SLC31A1: variants seen among roughly 807,000 people sequenced by gnomAD.
The protein encoded by SLC31A1 is solute carrier family 31 member 1.
Under a neutral mutation model 17.2 loss-of-function variants are expected in SLC31A1, and 5 were observed. The ratio of observed to expected loss-of-function variants is 0.29; its 90% CI spans 0.15 to 0.61. The LOEUF is 0.61. Among genes scored for constraint, SLC31A1 ranks in the 20% least tolerant of loss-of-function variants. The pLI, the probability that SLC31A1 is intolerant of heterozygous loss-of-function variation, is 0.86. For synonymous variants in SLC31A1, 76 were observed against 78.8 expected (o/e 0.96, Z 0.19); for missense variants, 161 against 241.4 (o/e 0.67, Z 2.21).
At chr9:113,257,929 C>T (rs918991588) in intron 3 of SLC31A1, among the ~76,000 whole-genome samples, 3 of 152,180 alleles carry the variant, frequency 2.0e-5, no homozygotes, top group African/African-American at 4.8e-5. Flanking sequence ...TGAAATGACT[C>T]GCCATCAATC....
At chr9:113,251,908 A>G (rs957369083) in intron 1 of SLC31A1, among the ~76,000 whole-genome samples, 1 of 152,150 alleles carries the variant, frequency 6.6e-6, no homozygotes, top group Non-Finnish European at 1.5e-5. Flanking sequence ...GTATCTTCCT[A>G]TTCATACACC....
intron 1 of SLC31A1, among the ~76,000 whole-genome samples, chr9:113,224,143 T>C (rs1272521848): frequency 6.6e-6 from 1 of 152,240 alleles, no homozygotes; most frequent in Admixed American, 6.5e-5. Flanking sequence ...TTATGTATTG[T>C]CTATGACTCC....
intron 1 of SLC31A1, among the ~76,000 whole-genome samples, chr9:113,240,412 G>GT (rs1831509301): frequency 1.3e-5 from 2 of 152,152 alleles, no homozygotes; most frequent in Admixed American, 1.3e-4. Flanking sequence ...AAATTAGAAA[G>GT]TTTCTTGCGC....
rs1554721716 is a variant in SLC31A1 at position 113,260,611 on chromosome 9, A to ACC, written c.*141_*142dup. The ACC allele has an allele frequency of 7.1e-6, 5 of 700,948 alleles. No individual in the cohort carries two copies. Among genetic ancestry groups the ACC allele is most frequent in the Middle Eastern group, 3.3e-4 (1 of 3,040 alleles). The allele number at this position is 700,948 out of a possible 1,614,324, so 43.4% of individuals were successfully genotyped here. On this transcript the variant is annotated 3_prime_UTR_variant, in exon 5 of 5. Coordinates refer to ENST00000374212, the MANE Select transcript of SLC31A1 (RefSeq NM_001859.4). ...CACACACACACACACACACACACACACCCCTGCTCAACAGAGGTTTAGTTT... is the reference window on the plus strand; with the variant it reads ...CACACACACACACACACACACACACACCCCCCTGCTCAACAGAGGTTTAGTTT...
intron 1 of SLC31A1, among the ~76,000 whole-genome samples, chr9:113,249,356 GT>G (rs555534321): frequency 2.5e-4 from 35 of 141,154 alleles, no homozygotes; most frequent in East Asian, 1.2e-3. Context: ...ATCTTTCTTT[GT>G]TTTTTTTTTA....
At chr9:113,241,177 C>T (rs944233555) in intron 1 of SLC31A1, among the ~76,000 whole-genome samples, 1 of 151,934 alleles carries the variant, frequency 6.6e-6, no homozygotes, top group Non-Finnish European at 1.5e-5. Flanking sequence ...TTAAATGCCA[C>T]ATAGTGAGCT....
chr9:113,247,248 G>A (rs966296692), intron 1 of SLC31A1, among the ~76,000 whole-genome samples: 2 of 152,080 alleles, frequency 1.3e-5, no homozygotes, highest in African/African-American at 4.8e-5. Context: ...AATCTAAAAA[G>A]GAATATGACC....
intron 1 of SLC31A1, among the ~76,000 whole-genome samples, chr9:113,235,225 TG>T (rs965531032): frequency 2.8e-4 from 43 of 152,260 alleles, no homozygotes; most frequent in African/African-American, 1.0e-3. Context: ...AATACATGTA[TG>T]AAAAAGTTTC....
intron 1 of SLC31A1, among the ~76,000 whole-genome samples, chr9:113,242,206 C>T (rs1018236307): frequency 3.3e-5 from 5 of 151,918 alleles, no homozygotes; most frequent in African/African-American, 1.2e-4. Flanking sequence ...AAAAACTAGA[C>T]GTTGGAGTAT....
At chr9:113,224,587 C>T (rs796918995) in intron 1 of SLC31A1, among the ~76,000 whole-genome samples, 3 of 152,264 alleles carry the variant, frequency 2.0e-5, no homozygotes, top group South Asian at 4.1e-4. Context: ...TGCCACCATG[C>T]CCGGCTAATT....
chr9:113,242,156 T>G (rs1360402596), intron 1 of SLC31A1, among the ~76,000 whole-genome samples: 1 of 151,904 alleles, frequency 6.6e-6, no homozygotes, highest in Non-Finnish European at 1.5e-5. Context: ...GCCACCGCAC[T>G]CCAGTCTGGG....
At chr9:113,244,150 C>T (rs1402071248) in intron 1 of SLC31A1, among the ~76,000 whole-genome samples, 2 of 94,094 alleles carry the variant, frequency 2.1e-5, no homozygotes, top group Admixed American at 2.8e-4. Flanking sequence ...AGCAAAACTC[C>T]ATCTCAAAAA....
At chr9:113,251,891 C>T (rs553061330) in intron 1 of SLC31A1, among the ~76,000 whole-genome samples, 3 of 152,258 alleles carry the variant, frequency 2.0e-5, no homozygotes, top group Non-Finnish European at 2.9e-5. Flanking sequence ...TAATCTCCAC[C>T]GGCTTTGTAT....
chr9:113,256,383 C>G, intron 2 of SLC31A1, 106 bp downstream of exon 2: 1 of 1,335,620 alleles, frequency 7.5e-7, no homozygotes, highest in South Asian at 1.4e-5. Context: ...GGTCAGTTTA[C>G]CAGTGAGGAT....
rs1433538809 is a variant in SLC31A1 at position 113,262,189 on chromosome 9, C to G, written c.*1716C>G. ...GGTTTGTTGATGGCCAGGTTTTCCT[C>G]AGGCTCCAACAACTGTGCTTATACC... On this transcript the variant is annotated 3_prime_UTR_variant, in exon 5 of 5. Coordinates refer to ENST00000374212, the MANE Select transcript of SLC31A1 (RefSeq NM_001859.4). 6.6e-6 allele frequency: 1 copy of G among 152,666 alleles called. No individual in the cohort carries two copies. Among genetic ancestry groups the G allele is most frequent in the Non-Finnish European group, 1.5e-5 (1 of 68,052 alleles). The allele number at this position is 152,666 out of a possible 1,614,324, so 9.5% of individuals were successfully genotyped here. A position where few individuals can be genotyped will look rare whatever the true frequency, so the allele number is the denominator to read the frequency against.
intron 1 of SLC31A1, among the ~76,000 whole-genome samples, chr9:113,243,821 A>G (rs905750963): frequency 3.3e-5 from 5 of 152,094 alleles, no homozygotes; most frequent in African/African-American, 1.2e-4. Context: ...CCTTTTTGCT[A>G]AAATAGATAT....
In SLC31A1 at chr9:113,256,117, C is replaced by A; in HGVS notation, c.-32C>A. Reference sequence around the variant, plus strand: ...ATATAATTCTTTCTCTTAAAAGAATCTTCTGCTGACTCTCAACTTTTCCTG... The same window carrying A: ...ATATAATTCTTTCTCTTAAAAGAATATTCTGCTGACTCTCAACTTTTCCTG... On this transcript the variant is annotated 5_prime_UTR_variant, in exon 2 of 5. Coordinates refer to ENST00000374212, the MANE Select transcript of SLC31A1 (RefSeq NM_001859.4). 6.2e-7 allele frequency: 1 copy of A among 1,608,232 alleles called. No homozygotes were observed. Among genetic ancestry groups the A allele is most frequent in the Non-Finnish European group, 8.5e-7 (1 of 1,176,686 alleles).
intron 2 of SLC31A1, 56 bp from the exon 3 acceptor site, chr9:113,257,057 A>T: frequency 3.6e-6 from 5 of 1,404,582 alleles, no homozygotes; most frequent in Middle Eastern, 1.8e-4. Flanking sequence ...TTTGCCCCAA[A>T]TTCTCATTTA....
rs548906630 is a variant in SLC31A1, at chr9:113,250,196, A to G, written c.-35-5918A>G. ...TTACTGGGTATATACCCAAAGGACT[A>G]TAAATCATGCTGCTATAAAGACACA... On this transcript the variant is annotated intron_variant, in intron 1 of 4. Transcript: ENST00000374212. Among the ~76,000 whole-genome samples, 118 of 137,448 alleles carry G rather than the reference A, an allele frequency of 8.6e-4. No homozygotes were observed. In the South Asian group the frequency reaches 0.013, roughly 15 times the overall value. The allele number at this position is 137,448 out of a possible 152,430, so 90.2% of individuals were successfully genotyped here. A position where few individuals can be genotyped will look rare whatever the true frequency, so the allele number is the denominator to read the frequency against.
Sources: gnomAD v4.1 joint callset for allele counts (sites outside exome capture counted in the v4.1 genomes callset) on GRCh38, gnomAD v4.1.1 for gene constraint, MANE v1.5 for transcripts, NCBI Gene and HGNC (gene_info 2026-07-23, HGNC 2026-07-21) for gene names.